FRMD4A: variants seen among roughly 807,000 people sequenced by gnomAD.
FRMD4A encodes FERM domain-containing protein 4A.
FRMD4A carries 29 observed loss-of-function variants against 129.1 expected under a neutral mutation model. That is an observed-to-expected ratio of 0.22 (90% confidence interval 0.17 to 0.31). The LOEUF (loss-of-function observed/expected upper bound fraction) is 0.31, where lower values mean the gene tolerates loss of function less well. FRMD4A is among the 10% of genes least tolerant of loss of function. The pLI is 1.00. For missense variants in FRMD4A, 1,272 were observed against 1,375.8 expected (o/e 0.92, Z 1.19); for synonymous variants, 634 against 571.6 (o/e 1.11, Z -1.56).
chr10:14,113,926 C>G (rs1184495129), intron 2 of FRMD4A, among the ~76,000 whole-genome samples: 1 of 152,182 alleles, frequency 6.6e-6, no homozygotes, highest in East Asian at 1.9e-4. Flanking sequence ...CTCTGCTGCT[C>G]TGCATCCCAC....
chr10:14,021,178 C>T (rs1832727603), intron 2 of FRMD4A, among the ~76,000 whole-genome samples: 1 of 152,024 alleles, frequency 6.6e-6, no homozygotes, highest in Non-Finnish European at 1.5e-5. Context: ...AAAGCTCCCT[C>T]TCAATTTTCT....
chr10:14,329,628 G>T (rs577288139), intron 2 of FRMD4A, among the ~76,000 whole-genome samples: 1 of 152,108 alleles, frequency 6.6e-6, no homozygotes, highest in Non-Finnish European at 1.5e-5. Context: ...ATATATGGGC[G>T]CCTAGAAAGA....
At chr10:14,238,736 A>T (rs1843921318) in intron 2 of FRMD4A, among the ~76,000 whole-genome samples, 1 of 151,786 alleles carries the variant, frequency 6.6e-6, no homozygotes, top group African/African-American at 2.4e-5. Flanking sequence ...CCCTGTGTCC[A>T]TGTGTTCTCA....
At chr10:14,184,125 CTTTTTTT>C (rs58858936) in intron 2 of FRMD4A, among the ~76,000 whole-genome samples, 9 of 64,638 alleles carry the variant, frequency 1.4e-4, no homozygotes, top group Admixed American at 4.1e-4. Flanking sequence ...CTTTTCTTTT[CTTTTTTT>C]TTTTTTTTTT....
At chr10:14,208,142 G>A (rs1238972954) in intron 2 of FRMD4A, among the ~76,000 whole-genome samples, 1 of 152,100 alleles carries the variant, frequency 6.6e-6, no homozygotes, top group Admixed American at 6.5e-5. Context: ...GTTGTAGTGA[G>A]CTATGATCAC....
At chr10:13,925,385 C>T (rs968213554) in intron 2 of FRMD4A, among the ~76,000 whole-genome samples, 2 of 152,054 alleles carry the variant, frequency 1.3e-5, no homozygotes, top group Non-Finnish European at 2.9e-5. Flanking sequence ...AAAATTTAAC[C>T]TCCTGAATGT....
At chr10:14,153,691 G>A (rs1010015377) in intron 2 of FRMD4A, among the ~76,000 whole-genome samples, 3 of 152,080 alleles carry the variant, frequency 2.0e-5, no homozygotes, top group East Asian at 1.9e-4. Flanking sequence ...CTCCCCTCCC[G>A]TCTCCAGCTC....
At chr10:13,790,583 A>G (rs1490873579) in intron 5 of FRMD4A, among the ~76,000 whole-genome samples, 2 of 152,320 alleles carry the variant, frequency 1.3e-5, no homozygotes, top group African/African-American at 4.8e-5. Flanking sequence ...GTAGTGCCAC[A>G]GAGCCGGGGG....
intron 15 of FRMD4A, among the ~76,000 whole-genome samples, chr10:13,687,898 A>T (rs1285702029): frequency 1.3e-5 from 2 of 152,194 alleles, no homozygotes; most frequent in Non-Finnish European, 2.9e-5. Context: ...CTTTTCTTCC[A>T]ACACAGGCTT....
chr10:13,644,835 TG>T lies in FRMD4A; in HGVS notation c.*2202del, dbSNP rs2081020689. 6.6e-6 allele frequency: 1 copy of T among 152,118 alleles called. No homozygotes were observed. Among genetic ancestry groups the T allele is most frequent in the African/African-American group, 2.4e-5 (1 of 41,430 alleles). The allele number at this position is 152,118 out of a possible 1,614,324, so 9.4% of individuals were successfully genotyped here. A position where few individuals can be genotyped will look rare whatever the true frequency, so the allele number is the denominator to read the frequency against. On this transcript the variant is annotated 3_prime_UTR_variant, in exon 25 of 25. Transcript: ENST00000357447. ...TCACTGTTCTTTGTAGCTCTAACCA[TG>T]AAAGTAAAAGCAACAAAAATATCCC...
chr10:13,859,811 A>T (rs1031978729), intron 2 of FRMD4A, among the ~76,000 whole-genome samples: 1 of 152,162 alleles, frequency 6.6e-6, no homozygotes, highest in African/African-American at 2.4e-5. Context: ...CCCACAGGCA[A>T]ATCCAACCCC....
rs36097311 is a variant in FRMD4A at position 13,738,629 on chromosome 10, CT to C, written c.673-700del. On this transcript the variant is annotated intron_variant, in intron 11 of 24. Coordinates refer to ENST00000357447, the MANE Select transcript of FRMD4A (RefSeq NM_018027.5). ...AGAAACACCAAGTCCCTGTTTATTC[CT>C]TTTTTTTTGAGATGGAGTCTCACTC... Among the ~76,000 whole-genome samples, 3 of 151,024 alleles carry C rather than the reference CT, an allele frequency of 2.0e-5. No individual in the cohort carries two copies. The South Asian group carries it at 6.3e-4, about 32-fold the overall frequency.
chr10:14,306,568 G>A (rs1186927095), intron 2 of FRMD4A, among the ~76,000 whole-genome samples: 1 of 152,186 alleles, frequency 6.6e-6, no homozygotes, highest in Non-Finnish European at 1.5e-5. Flanking sequence ...AAAAACACAG[G>A]CCCTCTCTAC....
At chr10:13,674,834 AG>A in intron 16 of FRMD4A, 76 bp downstream of exon 16, 1 of 1,450,394 alleles carries the variant, frequency 6.9e-7, no homozygotes, top group Non-Finnish European at 9.6e-7. Context: ...GACATCAAAA[AG>A]ATCAAATGAC....
At chr10:14,185,496 AC>A (rs1564371151) in intron 2 of FRMD4A, among the ~76,000 whole-genome samples, 10 of 152,044 alleles carry the variant, frequency 6.6e-5, no homozygotes, top group Middle Eastern at 3.4e-3. Context: ...AATTTTTCTA[AC>A]TTCAAGTATT....
At chr10:13,891,823 C>A in intron 2 of FRMD4A, 1 of 804,894 alleles carries the variant, frequency 1.2e-6, no homozygotes, top group Non-Finnish European at 1.5e-6. Context: ...AGCCCGCTCG[C>A]GCCTCTCGCG....
rs191806874 is a variant in FRMD4A, at chr10:14,257,141, G to A, written c.45+72917C>T. 8.1e-3 allele frequency among the ~76,000 whole-genome samples: 1,229 copies of A among 152,206 alleles called. 8 individuals carry two copies. The highest frequency in any genetic ancestry group is 0.013 in the Non-Finnish European group (880 of 68,008). On this transcript the variant is annotated intron_variant, in intron 2 of 24. Transcript: ENST00000357447. ...AGATAAGGAGTTCGAGACCAGCCTG[G>A]CCAACCTGGTGAAACCCCACCTCTA...
intron 2 of FRMD4A, among the ~76,000 whole-genome samples, chr10:13,876,042 A>G (rs2094486032): frequency 6.6e-6 from 1 of 152,252 alleles, no homozygotes; most frequent in African/African-American, 2.4e-5. Context: ...TTGAACAAGC[A>G]TCATTGCTCA....
intron 2 of FRMD4A, among the ~76,000 whole-genome samples, chr10:14,176,119 T>A (rs1052278278): frequency 3.4e-4 from 52 of 152,230 alleles, no homozygotes; most frequent in African/African-American, 1.1e-3. Flanking sequence ...AACAAATAGT[T>A]GTAAGGCACC....
Sources: allele counts gnomAD v4.1 joint callset (sites outside exome capture counted in the v4.1 genomes callset), GRCh38; gene constraint gnomAD v4.1.1; transcripts MANE v1.5; gene names NCBI Gene and HGNC (gene_info 2026-07-23, HGNC 2026-07-21).